Variants in SEMA3G observed in about 807,000 individuals in gnomAD.
SEMA3G encodes semaphorin-3G.
A neutral mutation model predicts 86.2 loss-of-function variants in SEMA3G; 70 were observed. The observed-to-expected ratio is 0.81, with a 90% CI of 0.67 to 0.99. The LOEUF (loss-of-function observed/expected upper bound fraction) is 0.99. Among genes scored for constraint, SEMA3G ranks in the 50% least tolerant of loss-of-function variants. SEMA3G has a pLI of 0.00. For synonymous variants in SEMA3G, 416 were observed against 441.4 expected, an observed-to-expected ratio of 0.94 and a Z score of 0.72; for missense variants, 1,002 against 1,072.4, an observed-to-expected ratio of 0.93 and a Z score of 0.92.
At chr3:52,443,443 C>T (rs772661202) in intron 1 of SEMA3G, among the ~76,000 whole-genome samples, 2 of 152,168 alleles carry the variant, frequency 1.3e-5, no homozygotes, top group Non-Finnish European at 1.5e-5. Context: ...AATTTTCTCC[C>T]CACAGATGCT....
chr3:52,441,807 G>A lies in SEMA3G; in HGVS notation c.550+12C>T, dbSNP rs920219007. 6.2e-7 allele frequency: 1 copy of A among 1,607,366 alleles called. No individual in the cohort carries two copies. Among genetic ancestry groups the A allele is most frequent in the East Asian group, 2.2e-5 (1 of 44,728 alleles). ...CCCTCCCTGTTCTCACCCTGGCCTG[G>A]GCATCACCCACCTATGAAGGTGCTG... On this transcript the variant is annotated intron_variant, in intron 5 of 15. Transcript: ENST00000231721.
At chr3:52,440,881 G>A (rs1559610856) in intron 8 of SEMA3G, 53 bp downstream of exon 8, 1 of 1,598,504 alleles carries the variant, frequency 6.3e-7, no homozygotes, top group East Asian at 2.2e-5. Flanking sequence ...TGACTCACCA[G>A]CTCTCAGCCC....
Position 52,433,318 on chromosome 3 carries a change from T to C in SEMA3G, c.*2285A>G, listed in dbSNP as rs1159272383. On this transcript the variant is annotated 3_prime_UTR_variant, in exon 16 of 16. Coordinates refer to ENST00000231721, the MANE Select transcript of SEMA3G (RefSeq NM_020163.3). The stretch of plus-strand genomic sequence containing the variant: ...CAGTCCATTTAGTACAATACACAGA[T>C]ACACAGTAATGATATAATTATGTGA... 3 of 152,428 alleles carry C rather than the reference T, an allele frequency of 2.0e-5. No homozygotes were observed. The highest frequency in any genetic ancestry group is 7.2e-5 in the African/African-American group (3 of 41,456). The allele number at this position is 152,428 out of a possible 1,614,324, so 9.4% of individuals were successfully genotyped here.
At chr3:52,438,833 G>C (rs1706094618) in intron 13 of SEMA3G, 87 bp downstream of exon 13, 4 of 1,578,372 alleles carry the variant, frequency 2.5e-6, no homozygotes, top group Non-Finnish European at 3.4e-6. Context: ...AGTGGAGCTC[G>C]AGGAGGCTGC....
At chr3:52,444,472 G>A (rs189773780) in intron 1 of SEMA3G, among the ~76,000 whole-genome samples, 12 of 150,024 alleles carry the variant, frequency 8.0e-5, no homozygotes, top group Admixed American at 4.7e-4. Context: ...CAGGGCACAC[G>A]CACCCAAACA....
chr3:52,442,291 T>G lies in SEMA3G; in HGVS notation c.353A>C (p.Asn118Thr). 6.2e-7 allele frequency: 1 copy of G among 1,612,114 alleles called. No homozygotes were observed. The highest frequency in any genetic ancestry group is 8.5e-7 in the Non-Finnish European group (1 of 1,179,112). Residue 118 changes from asparagine (N) to threonine (T), a missense_variant, in exon 4 of 16, where the codon AAC becomes ACC. By Grantham distance (65) the Asn-to-Thr change is moderately conservative (BLOSUM62 0). Coordinates refer to ENST00000231721, the MANE Select transcript of SEMA3G (RefSeq NM_020163.3). This position sits in a 1 kb window ranked among gnomAD's most constrained non-coding sequence, Gnocchi z 6.1. ...KGRDPLTECA[N>T]FVRVLQPHNR... Reference sequence around the variant, plus strand: ...GTGAGGCTGTAGCACCCGCACGAAGTTGGCGCACTCTGTCTGCGGGGAGAA... The same window carrying G: ...GTGAGGCTGTAGCACCCGCACGAAGGTGGCGCACTCTGTCTGCGGGGAGAA...
At position 52,440,397 on chromosome 3, in the gene SEMA3G, G is replaced by A. The variant is rs766164256; in HGVS notation, c.1123C>T (p.Pro375Ser). 2.5e-6 allele frequency: 4 copies of A among 1,607,772 alleles called. No homozygotes were observed. The highest frequency in any genetic ancestry group is 3.4e-6 in the Non-Finnish European group (4 of 1,178,304). ...HQWGPYGGKV[P>S]FPRPGVCPSK... ...CTCACCACGCCAGGGCGAGGGAAGG[G>A]CACCTTGCCCCCATAGGGCCCCCAC... The change falls in exon 10 of 16, where the codon CCC becomes TCC. Residue 375 changes from proline (P) to serine (S), a missense_variant. Transcript: ENST00000231721.
In SEMA3G at chr3:52,441,703, T is replaced by C. The variant is rs1232489696; in HGVS notation, c.551-13A>G. The C allele has an allele frequency of 6.2e-7, 1 of 1,609,354 alleles. No homozygotes were observed. The highest frequency in any genetic ancestry group is 8.5e-7 in the Non-Finnish European group (1 of 1,176,690). On this transcript the variant is annotated splice_polypyrimidine_tract_variant and intron_variant, in intron 5 of 15. Transcript: ENST00000231721. ...TACAGCTCCCCGTCTGGGGTGGGGG[T>C]TGGGGAACAGAGTCAGGGGAGGAGG...
In SEMA3G at chr3:52,442,190, C is replaced by T. The variant is rs560121355; in HGVS notation, c.454G>A (p.Gly152Arg). Residue 152 changes from glycine (G) to arginine (R), a missense_variant, in exon 4 of 16, where the codon GGG (glycine) becomes AGG (arginine). Transcript: ENST00000231721. The surrounding 1 kb of genome is among the most constrained non-coding windows in gnomAD (Gnocchi z 6.1). ...GGGGCCTGGCCCAGGCTCACCTCCCCACGGTGGCCAACTGTGATGAGGGCA... is the reference window on the plus strand; with the variant it reads ...GGGGCCTGGCCCAGGCTCACCTCCCTACGGTGGCCAACTGTGATGAGGGCA... ...TCALITVGHR[G>R]EHVLHLEPGS... 6 of 1,613,206 alleles carry T rather than the reference C, an allele frequency of 3.7e-6. No individual in the cohort carries two copies. The highest frequency in any genetic ancestry group is 1.7e-5 in the Admixed American group (1 of 59,964).
At chr3:52,436,482 G>A (rs1355775345) in intron 15 of SEMA3G, among the ~76,000 whole-genome samples, 1 of 152,238 alleles carries the variant, frequency 6.6e-6, no homozygotes, top group African/African-American at 2.4e-5. Context: ...GCCCAGAACT[G>A]GGCTTCAGAA....
rs772126317 is a variant in SEMA3G at position 52,437,694 on chromosome 3, T to C, written c.1739-28A>G. ...GGAGAGAGGCAGAGGTTGGCTCAGC[T>C]TGGGAACTATGGGACCCAGATCCCA... On this transcript the variant is annotated intron_variant, in intron 14 of 15. Transcript: ENST00000231721. The C allele has an allele frequency of 1.3e-5, 21 of 1,599,700 alleles. No homozygotes were observed. The Middle Eastern group carries it at 1.3e-3, about 101-fold the overall frequency.
intron 12 of SEMA3G, 99 bp from the exon 13 acceptor site, chr3:52,439,060 T>A: frequency 7.6e-7 from 1 of 1,309,532 alleles, no homozygotes. Flanking sequence ...GGGAACCACC[T>A]AGCTCCCAGG....
At chr3:52,438,829 G>A (rs1936896216) in intron 13 of SEMA3G, 91 bp downstream of exon 13, 1 of 1,572,882 alleles carries the variant, frequency 6.4e-7, no homozygotes, top group African/African-American at 1.3e-5. Context: ...CTACAGTGGA[G>A]CTCGAGGAGG....
Position 52,439,663 on chromosome 3 carries a change from A to G in SEMA3G, c.1467+17T>C. ...AGATGGGGCTTGGAGGGACCCTTCCATCAGCCCCTTGCTTACCTTAAACAC... is the reference window on the plus strand; with the variant it reads ...AGATGGGGCTTGGAGGGACCCTTCCGTCAGCCCCTTGCTTACCTTAAACAC... On this transcript the variant is annotated intron_variant, in intron 12 of 15. Transcript: ENST00000231721. The G allele has an allele frequency of 6.2e-7, 1 of 1,604,876 alleles. No homozygotes were observed. The highest frequency in any genetic ancestry group is 8.5e-7 in the Non-Finnish European group (1 of 1,171,818).
At chr3:52,443,003 CT>C (rs1485435507) in intron 1 of SEMA3G, 96 bp from the exon 2 acceptor site, 1 of 1,546,430 alleles carries the variant, frequency 6.5e-7, no homozygotes, top group South Asian at 1.2e-5. Flanking sequence ...GCATCCACCC[CT>C]GACACACTCA....
Position 52,442,309 on chromosome 3 carries a change from G to T in SEMA3G, c.340-5C>A, listed in dbSNP as rs565824128. On this transcript the variant is annotated splice_polypyrimidine_tract_variant and splice_region_variant and intron_variant, in intron 3 of 15. Transcript: ENST00000231721. This position sits in a 1 kb window ranked among gnomAD's most constrained non-coding sequence, Gnocchi z 6.1. ...CACGAAGTTGGCGCACTCTGTCTGC[G>T]GGGAGAAGGAGGGGGTGGTTGAGGG... is the stretch of plus-strand genomic sequence containing the variant. The T allele has an allele frequency of 3.7e-6, 6 of 1,613,438 alleles. No homozygotes were observed. The East Asian group carries it at 1.3e-4, about 36-fold the overall frequency.
At chr3:52,438,802 G>T in intron 13 of SEMA3G, 118 bp downstream of exon 13, 1 of 1,526,976 alleles carries the variant, frequency 6.5e-7, no homozygotes, top group Non-Finnish European at 8.8e-7. Context: ...GCCTGCCTCA[G>T]CACAGCTTTC....
chr3:52,442,446 C>A lies in SEMA3G; in HGVS notation c.339+113G>T. 7.2e-7 allele frequency: 1 copy of A among 1,380,272 alleles called. No individual in the cohort carries two copies. The highest frequency in any genetic ancestry group is 1.2e-5 in the South Asian group (1 of 82,812). The allele number at this position is 1,380,272 out of a possible 1,614,324, so 85.5% of individuals were successfully genotyped here. On this transcript the variant is annotated intron_variant, in intron 3 of 15. Coordinates refer to ENST00000231721, the MANE Select transcript of SEMA3G (RefSeq NM_020163.3). The surrounding 1 kb of genome is among the most constrained non-coding windows in gnomAD (Gnocchi z 6.1). ...TTCCCAGCAGACCTTCAAAAGCCCT[C>A]AAGATCTGCTCCAAATGCCCCTGGT...
At chr3:52,441,751 C>T (rs958730733) in intron 5 of SEMA3G, 61 bp from the exon 6 acceptor site, 8 of 1,591,486 alleles carry the variant, frequency 5.0e-6, no homozygotes, top group African/African-American at 2.7e-5. Context: ...AGCCGGGTCC[C>T]TCCCTTCCCA....
Sources: gnomAD v4.1 joint callset for allele counts (sites outside exome capture counted in the v4.1 genomes callset) on GRCh38, gnomAD v4.1.1 for gene constraint, Gnocchi (gnomAD v3.1) non-coding constraint, MANE v1.5 for transcripts, NCBI Gene and HGNC (gene_info 2026-07-23, HGNC 2026-07-21) for gene names.